Variants in KIF26B observed in about 807,000 individuals in gnomAD.
The protein encoded by KIF26B is kinesin-like protein KIF26B.
A neutral mutation model predicts 151.2 loss-of-function variants in KIF26B; 63 were observed. That is an observed-to-expected ratio of 0.42 (90% CI 0.34 to 0.51). The LOEUF (loss-of-function observed/expected upper bound fraction) is 0.51. Among genes scored for constraint, KIF26B ranks in the 20% least tolerant of loss-of-function variants. KIF26B has a pLI of 0.07. For missense variants in KIF26B, 2,813 were observed against 2,913.6 expected (o/e 0.97, Z 0.79); for synonymous variants, 1,357 against 1,262.1 (o/e 1.08, Z -1.59).
At chr1:245,607,804 C>T (rs1353543426) in intron 7 of KIF26B, 60 bp downstream of exon 7, 1 of 1,283,330 alleles carries the variant, frequency 7.8e-7, no homozygotes, top group Non-Finnish European at 1.1e-6. Flanking sequence ...CCCATGCATT[C>T]CTCTGTCTCC....
intron 10 of KIF26B, among the ~76,000 whole-genome samples, chr1:245,662,181 C>A (rs1409790331): frequency 6.7e-6 from 1 of 149,364 alleles, no homozygotes; most frequent in African/African-American, 2.5e-5. Flanking sequence ...TACACACACC[C>A]AATATATATA....
intron 2 of KIF26B, among the ~76,000 whole-genome samples, chr1:245,179,397 G>A (rs1345831354): frequency 7.9e-5 from 12 of 152,192 alleles, no homozygotes; most frequent in Admixed American, 3.9e-4. Context: ...GCTGAGGCGC[G>A]TGGATCACCT....
intron 10 of KIF26B, among the ~76,000 whole-genome samples, chr1:245,680,856 T>C (rs1243789412): frequency 6.6e-6 from 1 of 152,256 alleles, no homozygotes; most frequent in Non-Finnish European, 1.5e-5. Context: ...TGCAAAGCTC[T>C]GCCTTCACGT....
chr1:245,541,583 A>G (rs1330731078), intron 5 of KIF26B, among the ~76,000 whole-genome samples: 1 of 152,228 alleles, frequency 6.6e-6, no homozygotes, highest in East Asian at 1.9e-4. Context: ...TGGGTGAAGT[A>G]ACTTACGGTT....
rs569581899 is a variant in KIF26B, at chr1:245,276,613, C to T, written c.466-90221C>T. Among the ~76,000 whole-genome samples the T allele has an allele frequency of 2.8e-4, 43 of 152,260 alleles. 1 individual carries two copies. The highest frequency in any genetic ancestry group is 9.9e-4 in the African/African-American group (41 of 41,564). On this transcript the variant is annotated intron_variant, in intron 2 of 14. Transcript: ENST00000407071. ...GATCCAGTCTACTCTTCCCCGCTCCCGGGAGAAGCGAGGAGCTGGCAGTTT... is the reference window on the plus strand; with the variant it reads ...GATCCAGTCTACTCTTCCCCGCTCCTGGGAGAAGCGAGGAGCTGGCAGTTT...
intron 4 of KIF26B, among the ~76,000 whole-genome samples, chr1:245,483,000 G>C (rs1290107291): frequency 6.6e-6 from 1 of 151,706 alleles, no homozygotes; most frequent in East Asian, 1.9e-4. Flanking sequence ...TTCCCCTTCA[G>C]GTGTGAGGAG....
chr1:245,691,208 G>A (rs2147961742), intron 12 of KIF26B, among the ~76,000 whole-genome samples: 2 of 152,158 alleles, frequency 1.3e-5, no homozygotes, highest in Admixed American at 1.3e-4. Context: ...GTGGAGTAAA[G>A]AGGAAGAACA....
At chr1:245,470,673 G>A (rs1052896782) in intron 4 of KIF26B, among the ~76,000 whole-genome samples, 7 of 151,862 alleles carry the variant, frequency 4.6e-5, no homozygotes, top group Non-Finnish European at 8.8e-5. Context: ...CTTGTGATCT[G>A]CCCGCCTCGG....
At chr1:245,591,889 C>G (rs1409294727) in intron 5 of KIF26B, among the ~76,000 whole-genome samples, 1 of 152,106 alleles carries the variant, frequency 6.6e-6, no homozygotes. Flanking sequence ...GGGGACCTGG[C>G]CCCCCAAGCC....
chr1:245,232,895 T>A (rs749285588), intron 2 of KIF26B, among the ~76,000 whole-genome samples: 46 of 152,228 alleles, frequency 3.0e-4, no homozygotes, highest in Non-Finnish European at 6.0e-4. Context: ...CAATATGTGA[T>A]TTGGCAATGG....
At chr1:245,313,205 G>T (rs1671697974) in intron 2 of KIF26B, among the ~76,000 whole-genome samples, 1 of 152,098 alleles carries the variant, frequency 6.6e-6, no homozygotes, top group South Asian at 2.1e-4. Context: ...GATTGACACT[G>T]CACCTGCCTG....
intron 9 of KIF26B, among the ~76,000 whole-genome samples, chr1:245,640,793 A>G (rs530233328): frequency 5.8e-4 from 89 of 152,264 alleles, no homozygotes; most frequent in Middle Eastern, 3.4e-3. Flanking sequence ...AAACAAAAAG[A>G]AAAAAACACA....
intron 4 of KIF26B, among the ~76,000 whole-genome samples, chr1:245,452,316 C>A (rs1659414601): frequency 6.6e-6 from 1 of 152,110 alleles, no homozygotes; most frequent in Non-Finnish European, 1.5e-5. Context: ...ATTATATATA[C>A]CATACTTTTT....
At chr1:245,233,902 C>A (rs1455444649) in intron 2 of KIF26B, among the ~76,000 whole-genome samples, 1 of 152,102 alleles carries the variant, frequency 6.6e-6, no homozygotes, top group Non-Finnish European at 1.5e-5. Flanking sequence ...ATGTTTCGGG[C>A]TGGGCGCGGT....
At chr1:245,481,409 G>A (rs1211195623) in intron 4 of KIF26B, among the ~76,000 whole-genome samples, 1 of 151,880 alleles carries the variant, frequency 6.6e-6, no homozygotes, top group East Asian at 1.9e-4. Flanking sequence ...ACGTAAAAAG[G>A]ACAATATAAA....
At chr1:245,638,838 C>T (rs140183470) in intron 9 of KIF26B, among the ~76,000 whole-genome samples, 1 of 151,818 alleles carries the variant, frequency 6.6e-6, no homozygotes, top group Non-Finnish European at 1.5e-5. Flanking sequence ...ATGAATCCTA[C>T]TTGATTATGG....
chr1:245,354,492 C>T (rs768712067), intron 2 of KIF26B, among the ~76,000 whole-genome samples: 4 of 152,222 alleles, frequency 2.6e-5, no homozygotes, highest in African/African-American at 4.8e-5. Context: ...CTCTCGTGAA[C>T]AGCTGGTGAC....
intron 4 of KIF26B, among the ~76,000 whole-genome samples, chr1:245,502,550 A>G (rs1358117529): frequency 9.1e-5 from 13 of 142,226 alleles, no homozygotes; most frequent in Non-Finnish European, 2.0e-4. Flanking sequence ...AAAAAAAAAA[A>G]GAAGAAGAAG....
At chr1:245,617,225 T>C (rs2043600403) in intron 9 of KIF26B, among the ~76,000 whole-genome samples, 1 of 152,098 alleles carries the variant, frequency 6.6e-6, no homozygotes, top group African/African-American at 2.4e-5. Flanking sequence ...GCCTCCTGAG[T>C]AGCTGAGATG....
Sources: gnomAD v4.1 joint callset for allele counts (sites outside exome capture counted in the v4.1 genomes callset) on GRCh38, gnomAD v4.1.1 for gene constraint, MANE v1.5 for transcripts, NCBI Gene and HGNC (gene_info 2026-07-23, HGNC 2026-07-21) for gene names.